The following HPS4 variants were observed in gnomAD, a reference collection of about 807,000 sequenced individuals.
HPS4 encodes HPS4 biogenesis of lysosomal organelles complex 3 subunit 2.
Under a neutral mutation model 70.3 loss-of-function variants are expected in HPS4, and 44 were observed. That is an observed-to-expected ratio of 0.63 (90% CI 0.49 to 0.80). HPS4 has a LOEUF of 0.80. Ranked by LOEUF, HPS4 falls within the 30% of genes least tolerant of loss-of-function variation. HPS4 has a pLI of 0.00. For synonymous variants in HPS4, 377 were observed against 355.9 expected, an observed-to-expected ratio of 1.06 and a Z score of -0.67; for missense variants, 873 against 884.4, an observed-to-expected ratio of 0.99 and a Z score of 0.16.
downstream of HPS4, among the ~76,000 whole-genome samples, chr22:26,447,259 G>C (rs141514473): frequency 1.8e-3 from 269 of 152,294 alleles, 1 homozygote; most frequent in African/African-American, 6.3e-3. Flanking sequence ...GTGGGGTGGT[G>C]GGGGGAGGTG....
chr22:26,476,149 T>TAA (rs1435843015), intron 4 of HPS4: 1 of 152,162 alleles, frequency 6.6e-6, no homozygotes, highest in Non-Finnish European at 1.5e-5. Context: ...TGAGGAGGTA[T>TAA]ATGAGTATTC....
downstream of HPS4, among the ~76,000 whole-genome samples, chr22:26,448,358 T>C (rs2146171073): frequency 6.6e-6 from 1 of 152,324 alleles, no homozygotes; most frequent in South Asian, 2.1e-4. Context: ...TTTCCAGCAA[T>C]AAGTGGCAGA....
intron 6 of HPS4, 46 bp from the exon 7 acceptor site, chr22:26,470,859 A>G (rs553721010): frequency 1.9e-6 from 3 of 1,611,986 alleles, no homozygotes; most frequent in Admixed American, 3.4e-5. Context: ...GCATGCTCAC[A>G]ATCAGGAAGG....
chr22:26,464,106 G>A lies in HPS4; in HGVS notation c.1524C>T (p.Cys508=), dbSNP rs775820827. 5.6e-6 allele frequency: 9 copies of A among 1,614,258 alleles called. No homozygotes were observed. In the South Asian group the frequency reaches 8.8e-5, roughly 16 times the overall value. ...CCTGACAGTTTGCTGAGCCTGAACT[G>A]CATTCCAGACCAGGGGCTGCGTGGC... ...CESHAAPGLE[C]SSGSANCQGA... Residue 508 remains cysteine, a synonymous_variant, in exon 11 of 14, where the codon TGC becomes TGT. Coordinates refer to ENST00000398145, the MANE Select transcript of HPS4 (RefSeq NM_022081.6).
At chr22:26,460,329 C>G (rs1044033491) in intron 11 of HPS4, among the ~76,000 whole-genome samples, 1 of 152,228 alleles carries the variant, frequency 6.6e-6, no homozygotes, top group Non-Finnish European at 1.5e-5. Flanking sequence ...ACTGAGAGAG[C>G]CTGACCAACA....
rs2090660808 is a variant in HPS4, at chr22:26,477,156, T to G, written c.133-20A>C. On this transcript the variant is annotated intron_variant, in intron 3 of 13. Coordinates refer to ENST00000398145, the MANE Select transcript of HPS4 (RefSeq NM_022081.6). The stretch of plus-strand genomic sequence containing the variant: ...CAGGGTCTGTGGGAAAGGAGCACAT[T>G]CCAGATAGGAAGCTGAAATTCTTGA... 2 of 1,613,906 alleles carry G rather than the reference T, an allele frequency of 1.2e-6. No individual in the cohort carries two copies. Among genetic ancestry groups the G allele is most frequent in the African/African-American group, 2.7e-5 (2 of 74,892 alleles).
At position 26,464,788 on chromosome 22, in the gene HPS4, G is replaced by C; in HGVS notation, c.842C>G (p.Ala281Gly). 6.3e-7 allele frequency: 1 copy of C among 1,592,760 alleles called. No individual in the cohort carries two copies. Residue 281 changes from alanine to glycine, a missense_variant, in exon 11 of 14, where the codon GCC becomes GGC. By Grantham distance (60) the Ala-to-Gly change is moderately conservative. Coordinates refer to ENST00000398145, the MANE Select transcript of HPS4 (RefSeq NM_022081.6). Reference sequence around the variant, plus strand: ...GCTCCCACCCTTTGGATGGTGCTGGGCTGAACCATCCTGGAGTCCTGCTGG... The same window carrying C: ...GCTCCCACCCTTTGGATGGTGCTGGCCTGAACCATCCTGGAGTCCTGCTGG... The part of the protein sequence containing the change: ...ASPAGLQDGS[A>G]QHHPKGGSTS...
chr22:26,483,074 A>G (rs1022887075), intron 1 of HPS4, among the ~76,000 whole-genome samples: 7 of 152,200 alleles, frequency 4.6e-5, no homozygotes, highest in African/African-American at 7.2e-5. Context: ...CCCCCATTGA[A>G]TATTTGACGG....
intron 11 of HPS4, 94 bp downstream of exon 11, chr22:26,463,823 A>C (rs1040969940): frequency 6.0e-6 from 8 of 1,330,468 alleles, no homozygotes; most frequent in African/African-American, 2.9e-5. Context: ...CTGAGCCTTT[A>C]TCTCTTCCCT....
At chr22:26,468,355 G>A (rs986813768) in intron 8 of HPS4, 196 bp downstream of exon 8, 7 of 624,190 alleles carry the variant, frequency 1.1e-5, no homozygotes, top group African/African-American at 5.5e-5. Flanking sequence ...GGCCTAGCTC[G>A]TGGAAGAAAA....
chr22:26,462,771 G>A (rs561737560), intron 11 of HPS4, among the ~76,000 whole-genome samples: 4 of 152,248 alleles, frequency 2.6e-5, no homozygotes, highest in African/African-American at 9.6e-5. Context: ...ACAACTCCCC[G>A]CACTGCTATA....
downstream of HPS4, among the ~76,000 whole-genome samples, chr22:26,446,205 C>T (rs887736735): frequency 2.0e-5 from 3 of 152,166 alleles, no homozygotes; most frequent in Admixed American, 6.5e-5. Flanking sequence ...GCCTCAAGCT[C>T]CCTCTGTTCC....
chr22:26,471,983 A>T (rs892526209), intron 6 of HPS4, among the ~76,000 whole-genome samples: 12 of 152,230 alleles, frequency 7.9e-5, no homozygotes, highest in African/African-American at 2.9e-4. Flanking sequence ...GAATATCAAG[A>T]GAGGCGGCCT....
In HPS4 at chr22:26,463,929, G is replaced by A. The variant is rs1303208119; in HGVS notation, c.1701C>T (p.Ala567=). Reference sequence around the variant, plus strand: ...TGAGGACACTCACCACTTCCTCTATGGCTGCGCTGTCTCCCAGCAGCGGCT... The same window carrying A: ...TGAGGACACTCACCACTTCCTCTATAGCTGCGCTGTCTCCCAGCAGCGGCT... ...AEEPLLGDSA[A]IEEVYHSSLA... is the part of the protein sequence containing the mutation. The change falls in exon 11 of 14, where the codon GCC becomes GCT. Residue 567 remains alanine (A), a synonymous_variant. Coordinates refer to ENST00000398145, the MANE Select transcript of HPS4 (RefSeq NM_022081.6). 8 of 1,613,310 alleles carry A rather than the reference G, an allele frequency of 5.0e-6. No homozygotes were observed. The highest frequency in any genetic ancestry group is 1.3e-5 in the African/African-American group (1 of 74,912).
intron 4 of HPS4, among the ~76,000 whole-genome samples, chr22:26,474,196 A>T (rs757369370): frequency 1.3e-5 from 2 of 152,256 alleles, no homozygotes; most frequent in Non-Finnish European, 2.9e-5. Context: ...AAGCTATAGA[A>T]ATCAAGACAG....
Position 26,458,427 on chromosome 22 carries a change from C to T in HPS4, c.1846+18G>A. 1 of 1,614,066 alleles carries T rather than the reference C, an allele frequency of 6.2e-7. No individual in the cohort carries two copies. Among genetic ancestry groups the T allele is most frequent in the South Asian group, 1.1e-5 (1 of 91,068 alleles). On this transcript the variant is annotated intron_variant, in intron 12 of 13. Coordinates refer to ENST00000398145, the MANE Select transcript of HPS4 (RefSeq NM_022081.6). ...ATCTGGCATCCCCGTCGCCCCAGGC[C>T]CCTTGGCTGGTTCTTACCCATCAGC... is the stretch of plus-strand genomic sequence containing the variant.
chr22:26,476,568 G>T, intron 4 of HPS4: 1 of 183,924 alleles, frequency 5.4e-6, no homozygotes, highest in Non-Finnish European at 1.1e-5. Flanking sequence ...GGCTGATATC[G>T]AACTCCTGGA....
Position 26,483,769 on chromosome 22 carries a change from G to A in HPS4, c.-574C>T, listed in dbSNP as rs1231807933. The A allele has an allele frequency of 6.3e-6, 4 of 639,640 alleles. No homozygotes were observed. Among genetic ancestry groups the A allele is most frequent in the Middle Eastern group, 4.7e-4 (1 of 2,118 alleles). 39.6% of individuals were successfully genotyped at this position (639,640 alleles called of 1,614,324 possible). On this transcript the variant is annotated 5_prime_UTR_variant, in exon 1 of 14. Coordinates refer to ENST00000398145, the MANE Select transcript of HPS4 (RefSeq NM_022081.6). ...CCTGCGACTTCTGCCCCGTACCTGC[G>A]CGCGCGGCAGAGAGGCCTTAGGTCA... is the stretch of plus-strand genomic sequence containing the variant.
chr22:26,466,581 T>C (rs2088664960), intron 8 of HPS4: 2 of 479,698 alleles, frequency 4.2e-6, no homozygotes, highest in Non-Finnish European at 7.6e-6. Context: ...TCCTGTTCTC[T>C]TTTACACCTT....
Sources: allele counts gnomAD v4.1 joint callset (sites outside exome capture counted in the v4.1 genomes callset), GRCh38; gene constraint gnomAD v4.1.1; transcripts MANE v1.5; gene names NCBI Gene and HGNC (gene_info 2026-07-23, HGNC 2026-07-21).